PDE6H: variants seen among roughly 807,000 people sequenced by gnomAD.
PDE6H encodes phosphodiesterase 6H, also known as retinal cone rhodopsin-sensitive cGMP 3',5'-cyclic phosphodiesterase subunit gamma.
A neutral mutation model predicts 9.2 loss-of-function variants in PDE6H; 11 were observed. The observed-to-expected ratio is 1.19, with a 90% CI of 0.75 to 1.97. The LOEUF (loss-of-function observed/expected upper bound fraction) is 1.97. PDE6H is among the 30% of genes most tolerant of loss of function. PDE6H has a pLI of 0.00. For synonymous variants in PDE6H, 36 were observed against 33.6 expected (o/e 1.07, Z -0.25); for missense variants, 98 against 101.5 (o/e 0.97, Z 0.15).
intron 1 of PDE6H, among the ~76,000 whole-genome samples, chr12:14,973,947 T>A (rs1301390306): frequency 1.3e-5 from 2 of 152,204 alleles, no homozygotes; most frequent in African/African-American, 2.4e-5. Context: ...AGAAGATGAT[T>A]TTTTGCTTTA....
chr12:14,977,595 A>T (rs980991997), intron 1 of PDE6H, among the ~76,000 whole-genome samples: 1 of 152,228 alleles, frequency 6.6e-6, no homozygotes, highest in African/African-American at 2.4e-5. Flanking sequence ...TTAATTTGTT[A>T]TACCTAATGT....
At chr12:14,977,792 T>C (rs1294437743) in intron 1 of PDE6H, among the ~76,000 whole-genome samples, 180 bp from the exon 2 acceptor site, 1 of 152,232 alleles carries the variant, frequency 6.6e-6, no homozygotes, top group Non-Finnish European at 1.5e-5. Flanking sequence ...TGCATTGATT[T>C]ATACTCTGTT....
At chr12:14,979,041 C>A in intron 2 of PDE6H, 138 bp from the exon 3 acceptor site, 1 of 699,238 alleles carries the variant, frequency 1.4e-6, no homozygotes, top group Admixed American at 2.1e-5. Flanking sequence ...CAGTTCAGGG[C>A]AAACTAAAGG....
At position 14,976,959 on chromosome 12, in the gene PDE6H, ATTTTC is replaced by A. The variant is rs569392596; in HGVS notation, c.-41-1009_-41-1005del. Among the ~76,000 whole-genome samples the A allele has an allele frequency of 3.0e-4, 46 of 152,262 alleles. No individual in the cohort carries two copies. The South Asian group carries it at 8.3e-3, about 27-fold the overall frequency. On this transcript the variant is annotated intron_variant, in intron 1 of 3. Coordinates refer to ENST00000266395, the MANE Select transcript of PDE6H (RefSeq NM_006205.3). ...TTGCTTAAATTTATCTTTTTCAATA[ATTTTC>A]TTTGATTTGTATTTGAAGAATGGCA...
Position 14,981,793 on chromosome 12 carries a change from A to G in PDE6H, c.*317A>G. The G allele has an allele frequency of 2.3e-6, 1 of 433,494 alleles. No individual in the cohort carries two copies. The highest frequency in any genetic ancestry group is 2.3e-5 in the South Asian group (1 of 44,306). The allele number at this position is 433,494 out of a possible 1,614,324, so 26.9% of individuals were successfully genotyped here. ...TTGCTAGGCATTCATTATGATTAAT[A>G]GTAGACTTTTAAGACAACATTTATG... On this transcript the variant is annotated 3_prime_UTR_variant, in exon 4 of 4. Transcript: ENST00000266395.
intron 1 of PDE6H, among the ~76,000 whole-genome samples, chr12:14,973,408 C>T: frequency 6.6e-6 from 1 of 152,192 alleles, no homozygotes; most frequent in African/African-American, 2.4e-5. Flanking sequence ...AAGGAGGAAT[C>T]TGTGGCACTA....
chr12:14,981,507 A>T lies in PDE6H; in HGVS notation c.*31A>T. Reference sequence around the variant, plus strand: ...CAGAGGTTCTGCCACTCTCAATGACATCTGCTGTAATTTTGGTTGCTTTTG... The same window carrying T: ...CAGAGGTTCTGCCACTCTCAATGACTTCTGCTGTAATTTTGGTTGCTTTTG... On this transcript the variant is annotated 3_prime_UTR_variant, in exon 4 of 4. Transcript: ENST00000266395. 2 of 1,513,488 alleles carry T rather than the reference A, an allele frequency of 1.3e-6. No individual in the cohort carries two copies. The highest frequency in any genetic ancestry group is 1.8e-6 in the Non-Finnish European group (2 of 1,088,198). The allele number at this position is 1,513,488 out of a possible 1,614,324, so 93.8% of individuals were successfully genotyped here. A position where few individuals can be genotyped will look rare whatever the true frequency, so the allele number is the denominator to read the frequency against.
intron 3 of PDE6H, among the ~76,000 whole-genome samples, chr12:14,980,370 C>G (rs1422256985): frequency 1.3e-5 from 2 of 152,108 alleles, no homozygotes; most frequent in Non-Finnish European, 1.5e-5. Context: ...AGTTTTTTAT[C>G]CTATTGAAAG....
intron 3 of PDE6H, 36 bp downstream of exon 3, chr12:14,979,255 C>G (rs190674019): frequency 6.8e-7 from 1 of 1,480,430 alleles, no homozygotes; most frequent in East Asian, 2.3e-5. Flanking sequence ...GAACTTCGCA[C>G]TTGGAGTTCT....
intron 3 of PDE6H, among the ~76,000 whole-genome samples, chr12:14,981,174 C>A (rs528955079): frequency 6.6e-6 from 1 of 152,224 alleles, no homozygotes; most frequent in African/African-American, 2.4e-5. Context: ...CTGTGGATCA[C>A]CTCCCCAAAG....
chr12:14,975,320 TA>T (rs558736040), intron 1 of PDE6H, among the ~76,000 whole-genome samples: 5 of 151,328 alleles, frequency 3.3e-5, no homozygotes, highest in East Asian at 1.9e-4. Context: ...TATACTTTAC[TA>T]AAAAAAATTA....
At chr12:14,976,924 G>A (rs1169742338) in intron 1 of PDE6H, among the ~76,000 whole-genome samples, 1 of 152,196 alleles carries the variant, frequency 6.6e-6, no homozygotes, top group Non-Finnish European at 1.5e-5. Context: ...CATCCAAAAT[G>A]ACACATTAAT....
chr12:14,977,029 A>G (rs1181673113), intron 1 of PDE6H, among the ~76,000 whole-genome samples: 1 of 152,260 alleles, frequency 6.6e-6, no homozygotes, highest in African/African-American at 2.4e-5. Context: ...TGAGAACACC[A>G]TATTGGATAG....
At chr12:14,977,860 A>G in intron 1 of PDE6H, 112 bp from the exon 2 acceptor site, 1 of 702,712 alleles carries the variant, frequency 1.4e-6, no homozygotes, top group East Asian at 2.7e-5. Flanking sequence ...AACACAAAAT[A>G]CTGAGCTTTC....
At chr12:14,978,527 T>A (rs2120828043) in intron 2 of PDE6H, among the ~76,000 whole-genome samples, 1 of 152,342 alleles carries the variant, frequency 6.6e-6, no homozygotes, top group Non-Finnish European at 1.5e-5. Flanking sequence ...GTATCCTCAG[T>A]TCTTTATTTT....
At chr12:14,974,285 G>A (rs1190286597) in intron 1 of PDE6H, among the ~76,000 whole-genome samples, 1 of 152,198 alleles carries the variant, frequency 6.6e-6, no homozygotes, top group African/African-American at 2.4e-5. Flanking sequence ...TGATGTTTAT[G>A]GACAACAGGA....
intron 1 of PDE6H, among the ~76,000 whole-genome samples, chr12:14,974,605 A>G (rs1864565182): frequency 6.6e-6 from 1 of 152,242 alleles, no homozygotes; most frequent in African/African-American, 2.4e-5. Flanking sequence ...GGGATGTATC[A>G]TTGGGGAATA....
intron 1 of PDE6H, among the ~76,000 whole-genome samples, chr12:14,976,423 A>C (rs1484677794): frequency 6.6e-6 from 1 of 152,208 alleles, no homozygotes; most frequent in Non-Finnish European, 1.5e-5. Flanking sequence ...AGAAAACAGT[A>C]TGGACTGGAA....
intron 3 of PDE6H, 64 bp from the exon 4 acceptor site, chr12:14,981,336 C>A: frequency 1.0e-6 from 1 of 998,406 alleles, no homozygotes; most frequent in Non-Finnish European, 1.6e-6. Flanking sequence ...TGAAGGGTGT[C>A]TTTCTGTGAA....
Sources: gnomAD v4.1 joint callset for allele counts (sites outside exome capture counted in the v4.1 genomes callset) on GRCh38, gnomAD v4.1.1 for gene constraint, MANE v1.5 for transcripts, NCBI Gene and HGNC (gene_info 2026-07-23, HGNC 2026-07-21) for gene names.